Variants in F13A1 observed in about 807,000 individuals in gnomAD.
The protein encoded by F13A1 is FSF, A subunit.
Under a neutral mutation model 80.1 loss-of-function variants are expected in F13A1, and 47 were observed. The ratio of observed to expected loss-of-function variants is 0.59; its 90% CI spans 0.46 to 0.75. The LOEUF (loss-of-function observed/expected upper bound fraction) is 0.75. Among genes scored for constraint, F13A1 ranks in the 30% least tolerant of loss-of-function variants. The pLI, the probability that F13A1 is intolerant of heterozygous loss-of-function variation, is 0.00. For synonymous variants in F13A1, 349 were observed against 344.9 expected, an observed-to-expected ratio of 1.01 and a Z score of -0.13; for missense variants, 817 against 930.4, an observed-to-expected ratio of 0.88 and a Z score of 1.59.
chr6:6,223,037 T>C (rs1314844465), intron 7 of F13A1, among the ~76,000 whole-genome samples: 1 of 152,214 alleles, frequency 6.6e-6, no homozygotes, highest in Non-Finnish European at 1.5e-5. Flanking sequence ...AATAAAACGA[T>C]TGCCACTCTC....
At chr6:6,203,950 A>AT (rs1316799826) in intron 8 of F13A1, among the ~76,000 whole-genome samples, 16 of 152,124 alleles carry the variant, frequency 1.1e-4, no homozygotes, top group African/African-American at 3.6e-4. Flanking sequence ...ACTGAGGACT[A>AT]TTTATTTATT....
chr6:6,195,010 G>T (rs573544867), intron 10 of F13A1, among the ~76,000 whole-genome samples: 1 of 152,238 alleles, frequency 6.6e-6, no homozygotes. Flanking sequence ...CATTATTTCA[G>T]TGTATTTACT....
intron 3 of F13A1, chr6:6,305,150 C>G (rs868536622): frequency 3.1e-6 from 2 of 648,342 alleles, no homozygotes; most frequent in Middle Eastern, 6.0e-4. Flanking sequence ...GAGATTTTCT[C>G]CTTGGGTGGG....
intron 8 of F13A1, among the ~76,000 whole-genome samples, chr6:6,201,708 G>GTT (rs769743635): frequency 2.0e-5 from 3 of 146,498 alleles, no homozygotes; most frequent in African/African-American, 8.0e-5. Context: ...CCTGTTTTTT[G>GTT]TTTTGTTTTG....
intron 3 of F13A1, among the ~76,000 whole-genome samples, chr6:6,272,735 C>T (rs189905479): frequency 3.3e-5 from 5 of 152,258 alleles, no homozygotes; most frequent in Admixed American, 2.6e-4. Flanking sequence ...CTTAGTAATG[C>T]CTGCAAGGAC....
intron 3 of F13A1, among the ~76,000 whole-genome samples, chr6:6,277,508 C>G (rs1477939015): frequency 6.6e-6 from 1 of 152,172 alleles, no homozygotes; most frequent in East Asian, 1.9e-4. Context: ...TTTTGTCTAG[C>G]AGCTAAACAA....
At chr6:6,247,716 G>A (rs75474387) in intron 6 of F13A1, among the ~76,000 whole-genome samples, 7,035 of 152,260 alleles carry the variant, frequency 0.046, 464 homozygotes, top group African/African-American at 0.15. Flanking sequence ...TTCTAGCTGT[G>A]GCTTTGTCAC....
At chr6:6,266,145 A>G (rs1757840715) in intron 4 of F13A1, among the ~76,000 whole-genome samples, 1 of 152,220 alleles carries the variant, frequency 6.6e-6, no homozygotes. Context: ...TTCAATCATT[A>G]AAGATGGTAT....
intron 2 of F13A1, among the ~76,000 whole-genome samples, chr6:6,312,969 C>G (rs1442697857): frequency 1.3e-5 from 2 of 152,094 alleles, no homozygotes; most frequent in African/African-American, 4.8e-5. Context: ...GTATTTGGTT[C>G]TTATAACAGC....
chr6:6,309,980 C>G (rs763792696), intron 2 of F13A1, among the ~76,000 whole-genome samples: 2 of 152,152 alleles, frequency 1.3e-5, no homozygotes, highest in Non-Finnish European at 2.9e-5. Flanking sequence ...GAGAAATATT[C>G]GAGTATTTCT....
intron 9 of F13A1, 51 bp downstream of exon 9, chr6:6,197,172 A>C (rs1359695925): frequency 3.8e-6 from 6 of 1,573,572 alleles, no homozygotes; most frequent in Non-Finnish European, 5.2e-6. Flanking sequence ...CATAAAAGCA[A>C]AACAAAGATC....
intron 9 of F13A1, 79 bp from the exon 10 acceptor site, chr6:6,195,964 G>T: frequency 1.6e-6 from 2 of 1,281,444 alleles, no homozygotes; most frequent in South Asian, 2.5e-5. Flanking sequence ...ATGGCACTGA[G>T]GGTGACTCTG....
At position 6,222,721 on chromosome 6, in the gene F13A1, C is replaced by A. The variant is rs3024413; in HGVS notation, c.974-550G>T. Reference sequence around the variant, plus strand: ...ATTAAACTTAATCCAAATGCCCTCCCTGCCTCCCAGGACACCAGACATCAG... The same window carrying A: ...ATTAAACTTAATCCAAATGCCCTCCATGCCTCCCAGGACACCAGACATCAG... On this transcript the variant is annotated intron_variant, in intron 7 of 14. Transcript: ENST00000264870. Among the ~76,000 whole-genome samples the A allele has an allele frequency of 3.1e-3, 474 of 152,326 alleles. 2 individuals carry two copies. Among genetic ancestry groups the A allele is most frequent in the African/African-American group, 9.1e-3 (380 of 41,570 alleles).
intron 8 of F13A1, among the ~76,000 whole-genome samples, chr6:6,208,247 A>G (rs371609901): frequency 1.3e-5 from 2 of 152,314 alleles, no homozygotes; most frequent in South Asian, 4.1e-4. Flanking sequence ...TACAATAACC[A>G]AAATGAAAAA....
rs905552968 is a variant in F13A1, at chr6:6,144,748, G to C, written c.*871C>G. Reference sequence around the variant, plus strand: ...TATCTCTGAAAGGGGACCTGAACCTGCATCATTCTGCAAAGGAGATGATTC... The same window carrying C: ...TATCTCTGAAAGGGGACCTGAACCTCCATCATTCTGCAAAGGAGATGATTC... On this transcript the variant is annotated 3_prime_UTR_variant, in exon 15 of 15. Coordinates refer to ENST00000264870, the MANE Select transcript of F13A1 (RefSeq NM_000129.4). 2 of 152,508 alleles carry C rather than the reference G, an allele frequency of 1.3e-5. No individual in the cohort carries two copies. The highest frequency in any genetic ancestry group is 2.4e-5 in the African/African-American group (1 of 41,418). 9.4% of individuals were successfully genotyped at this position (152,508 alleles called of 1,614,324 possible).
chr6:6,316,310 A>G (rs1162649649), intron 2 of F13A1, among the ~76,000 whole-genome samples: 2 of 151,114 alleles, frequency 1.3e-5, no homozygotes, highest in Admixed American at 6.6e-5. Flanking sequence ...ATGCCACTAG[A>G]GCTATGAGTC....
intron 13 of F13A1, among the ~76,000 whole-genome samples, chr6:6,164,169 T>C (rs1760623671): frequency 6.6e-6 from 1 of 151,828 alleles, no homozygotes; most frequent in African/African-American, 2.4e-5. Context: ...AACATAGATA[T>C]GGCCAACAAG....
intron 8 of F13A1, among the ~76,000 whole-genome samples, chr6:6,209,241 C>T (rs968008923): frequency 2.7e-5 from 4 of 150,608 alleles, no homozygotes; most frequent in East Asian, 2.0e-4. Context: ...AGATGTTCAA[C>T]GTCATTGGTC....
chr6:6,304,117 C>G (rs1162826137), intron 3 of F13A1, among the ~76,000 whole-genome samples: 1 of 152,120 alleles, frequency 6.6e-6, no homozygotes, highest in Non-Finnish European at 1.5e-5. Context: ...TGATAGCAGG[C>G]ATTTCTTTCT....
Sources: allele counts gnomAD v4.1 joint callset (sites outside exome capture counted in the v4.1 genomes callset), GRCh38; gene constraint gnomAD v4.1.1; transcripts MANE v1.5; gene names NCBI Gene and HGNC (gene_info 2026-07-23, HGNC 2026-07-21).